Variants in MTSS1 observed in about 807,000 individuals in gnomAD.
MTSS1 encodes the protein MTSS I-BAR domain containing 1.
In MTSS1, 18 loss-of-function variants were observed where a neutral mutation model predicts 79.0. The observed-to-expected ratio is 0.23, with a 90% CI of 0.16 to 0.34. The LOEUF is 0.34. Ranked by LOEUF, MTSS1 falls within the 10% of genes least tolerant of loss-of-function variation. The pLI is 1.00. For synonymous variants in MTSS1, 341 were observed against 368.6 expected, an observed-to-expected ratio of 0.93 and a Z score of 0.86; for missense variants, 815 against 986.2, an observed-to-expected ratio of 0.83 and a Z score of 2.33.
intron 6 of MTSS1, among the ~76,000 whole-genome samples, chr8:124,577,891 T>G (rs1829280353): frequency 6.6e-6 from 1 of 152,190 alleles, no homozygotes; most frequent in Non-Finnish European, 1.5e-5. Context: ...GCAGAGCCAT[T>G]GATCCATTGA....
chr8:124,559,297 C>T (rs968473415), intron 10 of MTSS1, among the ~76,000 whole-genome samples: 4 of 152,230 alleles, frequency 2.6e-5, no homozygotes, highest in African/African-American at 9.6e-5. Context: ...GGGCGGACCC[C>T]AGCTCGGGCT....
chr8:124,714,428 A>G (rs1234388017), intron 1 of MTSS1, among the ~76,000 whole-genome samples: 2 of 152,098 alleles, frequency 1.3e-5, no homozygotes, highest in African/African-American at 4.8e-5. Flanking sequence ...CTCCTAAGCA[A>G]TGGTTAATTG....
At chr8:124,627,946 T>C (rs934764338) in intron 3 of MTSS1, among the ~76,000 whole-genome samples, 2 of 152,118 alleles carry the variant, frequency 1.3e-5, no homozygotes, top group Admixed American at 6.5e-5. Context: ...GTGGGCAGAT[T>C]ACTTGAGGTC....
intron 3 of MTSS1, among the ~76,000 whole-genome samples, chr8:124,623,823 A>T (rs548068566): frequency 4.9e-4 from 74 of 152,316 alleles, no homozygotes; most frequent in Middle Eastern, 3.4e-3. Flanking sequence ...TATTTTTAGT[A>T]GAGACCGGGT....
Position 124,699,396 on chromosome 8 carries a change from T to A in MTSS1, c.208+130A>T, listed in dbSNP as rs147211340. On this transcript the variant is annotated intron_variant, in intron 3 of 13. Transcript: ENST00000518547. ...TAATATGTGGAATCCCACAGAGTTT[T>A]AAAAAATGGGAAAATACGAGTCAGC... 258 of 774,194 alleles carry A rather than the reference T, an allele frequency of 3.3e-4. No homozygotes were observed. In the East Asian group the frequency reaches 5.9e-3, roughly 18 times the overall value. 48.0% of individuals were successfully genotyped at this position (774,194 alleles called of 1,614,324 possible).
At chr8:124,604,485 A>G (rs1202300848) in intron 3 of MTSS1, among the ~76,000 whole-genome samples, 4 of 152,190 alleles carry the variant, frequency 2.6e-5, no homozygotes, top group African/African-American at 2.4e-5. Flanking sequence ...AAATAAACCC[A>G]TAAAGCCCCC....
rs777197255 is a variant in MTSS1 at position 124,565,930 on chromosome 8, T to C, written c.727-171A>G. ...TTGAAGAGCCACAGTACCAAATCCA[T>C]CAATATCATAATCCTTTTACTGAGA... On this transcript the variant is annotated intron_variant, in intron 8 of 13. Transcript: ENST00000518547. 91 of 509,080 alleles carry C rather than the reference T, an allele frequency of 1.8e-4. 1 individual carries two copies. The Middle Eastern group carries it at 2.1e-3, about 12-fold the overall frequency. The allele number at this position is 509,080 out of a possible 1,614,324, so 31.5% of individuals were successfully genotyped here. A position where few individuals can be genotyped will look rare whatever the true frequency, so the allele number is the denominator to read the frequency against.
chr8:124,648,479 C>G (rs1819369365), intron 3 of MTSS1, among the ~76,000 whole-genome samples: 1 of 152,104 alleles, frequency 6.6e-6, no homozygotes, highest in Non-Finnish European at 1.5e-5. Context: ...CCTCTCTCCC[C>G]TAACTCCTCA....
At chr8:124,699,277 TC>T (rs912878008) in intron 3 of MTSS1, 6 of 495,082 alleles carry the variant, frequency 1.2e-5, no homozygotes, top group Non-Finnish European at 2.2e-5. Flanking sequence ...AAAGAACCCA[TC>T]AAGCCAACTC....
At chr8:124,652,794 C>CAAAA (rs773654376) in intron 3 of MTSS1, among the ~76,000 whole-genome samples, 18 of 74,472 alleles carry the variant, frequency 2.4e-4, no homozygotes, top group East Asian at 3.4e-4. Flanking sequence ...GACTCCGTCT[C>CAAAA]AAAAAAAAAA....
chr8:124,685,329 G>GA (rs915995307), intron 3 of MTSS1, among the ~76,000 whole-genome samples: 4 of 152,068 alleles, frequency 2.6e-5, no homozygotes, highest in Non-Finnish European at 5.9e-5. Context: ...ACCTCAATGA[G>GA]AAAAAAATAA....
intron 3 of MTSS1, among the ~76,000 whole-genome samples, chr8:124,685,460 C>T (rs1364826030): frequency 6.6e-6 from 1 of 152,166 alleles, no homozygotes; most frequent in Non-Finnish European, 1.5e-5. Context: ...GACAGCGAAG[C>T]CCAGATTCTG....
chr8:124,565,882 A>C, intron 8 of MTSS1, 123 bp from the exon 9 acceptor site: 3 of 681,528 alleles, frequency 4.4e-6, no homozygotes, highest in Non-Finnish European at 7.1e-6. Context: ...AAAGCAAAAC[A>C]TGTTAAAAAA....
chr8:124,572,616 C>T (rs938060548), intron 6 of MTSS1, among the ~76,000 whole-genome samples: 4 of 152,186 alleles, frequency 2.6e-5, no homozygotes, highest in African/African-American at 9.7e-5. Context: ...TCTGCTACCT[C>T]TACCCTCACT....
intron 3 of MTSS1, among the ~76,000 whole-genome samples, chr8:124,606,175 T>G (rs1234310426): frequency 1.4e-5 from 2 of 147,678 alleles, no homozygotes; most frequent in East Asian, 1.9e-4. Context: ...TTTTTTGTTT[T>G]TTTTTTTTTT....
chr8:124,728,164 G>A lies in MTSS1; in HGVS notation c.-209C>T, dbSNP rs1046632288. 2.1e-5 allele frequency: 10 copies of A among 466,626 alleles called. No homozygotes were observed. Among genetic ancestry groups the A allele is most frequent in the Non-Finnish European group, 2.3e-5 (6 of 264,796 alleles). The allele number at this position is 466,626 out of a possible 1,614,324, so 28.9% of individuals were successfully genotyped here. On this transcript the variant is annotated 5_prime_UTR_variant, in exon 1 of 14. Transcript: ENST00000518547. The surrounding 1 kb of genome is among the most constrained non-coding windows in gnomAD (Gnocchi z 6.1). ...ATTTAAAAAGCCAAACCGCTCTGTA[G>A]GGTATTCGCCTACAAGCAGCGCTCG...
At chr8:124,712,178 C>T (rs575494800) in intron 1 of MTSS1, among the ~76,000 whole-genome samples, 1 of 152,166 alleles carries the variant, frequency 6.6e-6, no homozygotes, top group East Asian at 1.9e-4. Context: ...CTTCTTCTAC[C>T]AGGAGATCAG....
At chr8:124,693,135 G>A (rs1057286253) in intron 3 of MTSS1, among the ~76,000 whole-genome samples, 5 of 152,064 alleles carry the variant, frequency 3.3e-5, no homozygotes, top group Non-Finnish European at 7.4e-5. Flanking sequence ...GGGGAGGGCT[G>A]GAAAGGACAT....
chr8:124,620,942 T>C (rs894152861), intron 3 of MTSS1, among the ~76,000 whole-genome samples: 1 of 152,198 alleles, frequency 6.6e-6, no homozygotes, highest in Non-Finnish European at 1.5e-5. Context: ...ATCGCCTAGT[T>C]CAGAGGTCAT....
Sources: allele counts gnomAD v4.1 joint callset (sites outside exome capture counted in the v4.1 genomes callset), GRCh38; gene constraint gnomAD v4.1.1; non-coding constraint Gnocchi (gnomAD v3.1); transcripts MANE v1.5; gene names NCBI Gene and HGNC (gene_info 2026-07-23, HGNC 2026-07-21).